Variants in ARVCF observed in about 807,000 individuals in gnomAD.
ARVCF encodes ARVCF delta catenin family member, also known as splicing regulator ARVCF.
Under a neutral mutation model 90.9 loss-of-function variants are expected in ARVCF, and 66 were observed. The ratio of observed to expected loss-of-function variants is 0.73; its 90% CI spans 0.60 to 0.89. The LOEUF (loss-of-function observed/expected upper bound fraction) is 0.89. ARVCF is among the 40% of genes least tolerant of loss of function. The probability of loss-of-function intolerance (pLI) is 0.00; values close to 1 mark genes in which losing one functional copy is unlikely to be tolerated. For missense variants in ARVCF, 1,469 were observed against 1,382.3 expected, an observed-to-expected ratio of 1.06 and a Z score of -1.00; for synonymous variants, 653 against 603.4, an observed-to-expected ratio of 1.08 and a Z score of -1.21.
downstream of ARVCF, chr22:19,968,955 T>C (rs1444921889): frequency 1.1e-5 from 6 of 548,120 alleles, no homozygotes; most frequent in African/African-American, 1.1e-4. Context: ...ACTGGCTAGC[T>C]ATATTATCTT....
At chr22:19,965,137 G>A (rs1942320783), downstream of ARVCF, 1 of 156,368 alleles carries the variant, frequency 6.4e-6, no homozygotes, top group Non-Finnish European at 1.4e-5. Context: ...AGAAGCCTGA[G>A]GTGTGAAAGG....
Position 19,969,906 on chromosome 22 carries a change from GCTTT to G in ARVCF, c.*846_*849del, listed in dbSNP as rs1942650718. 1.0e-6 allele frequency: 1 copy of G among 985,504 alleles called. No homozygotes were observed. Among genetic ancestry groups the G allele is most frequent in the Non-Finnish European group, 1.2e-6 (1 of 829,940 alleles). The allele number at this position is 985,504 out of a possible 1,614,324, so 61.0% of individuals were successfully genotyped here. A position where few individuals can be genotyped will look rare whatever the true frequency, so the allele number is the denominator to read the frequency against. Reference sequence around the variant, plus strand: ...GCAGAAAGCAAAAAGTTCCTTTGCTGCTTTAATTTTTAAATTTTCTTACAAAAAT... The same window carrying G: ...GCAGAAAGCAAAAAGTTCCTTTGCTGAATTTTTAAATTTTCTTACAAAAAT... On this transcript the variant is annotated 3_prime_UTR_variant, in exon 20 of 20. Transcript: ENST00000263207.
Position 19,970,298 on chromosome 22 carries a change from C to A in ARVCF, c.*458G>T. On this transcript the variant is annotated 3_prime_UTR_variant, in exon 20 of 20. Transcript: ENST00000263207. ...CCTGCCTGCAGGGTGCCCAGGGAGA[C>A]CCTCCGCCTTTAGAAGTCCAAGTTC... is the stretch of plus-strand genomic sequence containing the variant. The A allele has an allele frequency of 1.0e-6, 1 of 994,418 alleles. No individual in the cohort carries two copies. Among genetic ancestry groups the A allele is most frequent in the Non-Finnish European group, 1.2e-6 (1 of 835,152 alleles). 61.6% of individuals were successfully genotyped at this position (994,418 alleles called of 1,614,324 possible). A position where few individuals can be genotyped will look rare whatever the true frequency, so the allele number is the denominator to read the frequency against.
intron 1 of ARVCF, among the ~76,000 whole-genome samples, chr22:20,016,259 G>A (rs1392711874): frequency 6.6e-6 from 1 of 151,986 alleles, no homozygotes; most frequent in African/African-American, 2.4e-5. Flanking sequence ...GGGCGGGCAC[G>A]GCTGCGGGGT....
chr22:20,012,596 C>T (rs1243925392), intron 1 of ARVCF, among the ~76,000 whole-genome samples: 1 of 152,268 alleles, frequency 6.6e-6, no homozygotes, highest in Non-Finnish European at 1.5e-5. Context: ...AATGACCACG[C>T]CCTTTATTGG....
intron 3 of ARVCF, among the ~76,000 whole-genome samples, chr22:19,990,293 G>C (rs181809177): frequency 6.6e-6 from 1 of 152,318 alleles, no homozygotes; most frequent in Admixed American, 6.5e-5. Flanking sequence ...AGTGTCTCTA[G>C]GCAGACCAAA....
At chr22:19,977,637 G>C in intron 8 of ARVCF, 51 bp from the exon 9 acceptor site, 1 of 1,482,670 alleles carries the variant, frequency 6.7e-7, no homozygotes, top group South Asian at 1.4e-5. Flanking sequence ...CACAGGGCTG[G>C]CCCTCAGGAA....
intron 4 of ARVCF, 42 bp from the exon 5 acceptor site, chr22:19,981,779 C>T: frequency 1.9e-6 from 3 of 1,550,982 alleles, no homozygotes; most frequent in Non-Finnish European, 2.6e-6. Context: ...GCACGAGAGG[C>T]CTAGAAACTG....
intron 2 of ARVCF, among the ~76,000 whole-genome samples, chr22:20,010,048 T>C (rs888228721): frequency 6.6e-6 from 1 of 152,172 alleles, no homozygotes. Flanking sequence ...CTCCAGTCTC[T>C]GGGGGGCAAG....
At chr22:20,003,941 G>A (rs1015328968) in intron 2 of ARVCF, among the ~76,000 whole-genome samples, 5 of 152,124 alleles carry the variant, frequency 3.3e-5, no homozygotes, top group Non-Finnish European at 5.9e-5. Flanking sequence ...GTTCATAGAC[G>A]ACATAACCTT....
chr22:19,973,204 C>T lies in ARVCF; in HGVS notation c.2353G>A (p.Glu785Lys), dbSNP rs144187900. Reference sequence around the variant, plus strand: ...TTATCCAGGCTGTCGGACACGATTTCGTGGATGGTGTTGAGCACCGCCACC... The same window carrying T: ...TTATCCAGGCTGTCGGACACGATTTTGTGGATGGTGTTGAGCACCGCCACC... ...TVVAVLNTIH[E>K]IVSDSLDNAR... The change falls in exon 14 of 20, where the codon GAA becomes AAA. Residue 785 changes from glutamate to lysine, a missense_variant. Physicochemically the swap from Glu to Lys is moderately conservative, Grantham distance 56. Coordinates refer to ENST00000263207, the MANE Select transcript of ARVCF (RefSeq NM_001670.3). The T allele has an allele frequency of 9.9e-6, 16 of 1,610,852 alleles. No homozygotes were observed. The African/African-American group carries it at 2.1e-4, about 22-fold the overall frequency.
chr22:19,985,518 C>A (rs796070558), intron 3 of ARVCF, among the ~76,000 whole-genome samples: 1 of 152,248 alleles, frequency 6.6e-6, no homozygotes, highest in African/African-American at 2.4e-5. Flanking sequence ...AGCTTCTTCA[C>A]AAGGAGGTGA....
At chr22:20,003,038 G>GT (rs1278724008) in intron 2 of ARVCF, among the ~76,000 whole-genome samples, 1 of 152,050 alleles carries the variant, frequency 6.6e-6, no homozygotes, top group Non-Finnish European at 1.5e-5. Context: ...ACCTCAATTT[G>GT]TTTTCCTTTT....
intron 1 of ARVCF, among the ~76,000 whole-genome samples, chr22:20,012,263 G>A (rs1294647774): frequency 1.3e-5 from 2 of 152,226 alleles, no homozygotes; most frequent in Admixed American, 6.5e-5. Flanking sequence ...GAGATGGGTG[G>A]GAGCAGAGGA....
At chr22:19,974,402 A>G in intron 11 of ARVCF, 163 bp from the exon 12 acceptor site, 1 of 843,616 alleles carries the variant, frequency 1.2e-6, no homozygotes, top group Non-Finnish European at 1.7e-6. Flanking sequence ...TAGTCACCCA[A>G]GGGGAAAAGC....
intron 2 of ARVCF, among the ~76,000 whole-genome samples, chr22:19,992,986 TG>T (rs1944085354): frequency 6.6e-6 from 1 of 152,156 alleles, no homozygotes; most frequent in Non-Finnish European, 1.5e-5. Flanking sequence ...TTGCCGAACT[TG>T]GCTTGATTGG....
chr22:19,973,778 G>A lies in ARVCF; in HGVS notation c.2104C>T (p.Arg702Cys), dbSNP rs1401432644. The part of the protein sequence containing the change: ...AGNWMWATYI[R>C]ATVRKERGLP... ...CCGCGCTCTTTGCGCACTGTGGCGC[G>A]GATGTACGTGGCCCACTGCGGAGGC... The change falls in exon 13 of 20, where the codon CGC (arginine) becomes TGC (cysteine). Residue 702 changes from arginine to cysteine, a missense_variant. Physicochemically the swap from Arg to Cys is radical, Grantham distance 180. Coordinates refer to ENST00000263207, the MANE Select transcript of ARVCF (RefSeq NM_001670.3). 2 of 1,605,974 alleles carry A rather than the reference G, an allele frequency of 1.2e-6. No homozygotes were observed. The highest frequency in any genetic ancestry group is 1.7e-6 in the Non-Finnish European group (2 of 1,179,450).
At chr22:19,980,916 G>T in intron 5 of ARVCF, 1 of 398,708 alleles carries the variant, frequency 2.5e-6, no homozygotes, top group Non-Finnish European at 4.5e-6. Flanking sequence ...ACCAGGGGCT[G>T]TGACAAGGGC....
chr22:19,986,055 A>C (rs909212735), intron 3 of ARVCF, among the ~76,000 whole-genome samples: 8 of 152,216 alleles, frequency 5.3e-5, no homozygotes, highest in Non-Finnish European at 1.0e-4. Flanking sequence ...TTCTCCACAC[A>C]GCAGTGCACC....
Sources: gnomAD v4.1 joint callset for allele counts (sites outside exome capture counted in the v4.1 genomes callset) on GRCh38, gnomAD v4.1.1 for gene constraint, MANE v1.5 for transcripts, NCBI Gene and HGNC (gene_info 2026-07-23, HGNC 2026-07-21) for gene names.